The following DNAJC1 variants were observed in gnomAD, a reference collection of about 807,000 sequenced individuals.
DNAJC1 encodes DnaJ heat shock protein family (Hsp40) member C1.
Under a neutral mutation model 76.6 loss-of-function variants are expected in DNAJC1, and 58 were observed. That is an observed-to-expected ratio of 0.76 (90% CI 0.61 to 0.94). DNAJC1 has a LOEUF of 0.94. Ranked by LOEUF, DNAJC1 falls within the 40% of genes least tolerant of loss-of-function variation. The pLI is 0.00. For synonymous variants in DNAJC1, 258 were observed against 267.9 expected, an observed-to-expected ratio of 0.96 and a Z score of 0.36; for missense variants, 689 against 677.3, an observed-to-expected ratio of 1.02 and a Z score of -0.19.
chr10:21,946,215 T>C (rs886803342), intron 1 of DNAJC1, among the ~76,000 whole-genome samples: 2 of 151,944 alleles, frequency 1.3e-5, no homozygotes, highest in African/African-American at 2.4e-5. Context: ...TAAATATTTA[T>C]ATTTTTAGTA....
intron 9 of DNAJC1, among the ~76,000 whole-genome samples, chr10:21,787,790 A>G (rs544717217): frequency 6.6e-6 from 1 of 152,318 alleles, no homozygotes; most frequent in East Asian, 1.9e-4. Context: ...CACTGGGGTC[A>G]CCTGCAGTCC....
intron 1 of DNAJC1, among the ~76,000 whole-genome samples, chr10:21,962,755 CA>C (rs1442394910): frequency 1.3e-5 from 2 of 150,302 alleles, no homozygotes; most frequent in Non-Finnish European, 3.0e-5. Context: ...TTGCATTTAG[CA>C]TTGAAAATCA....
intron 1 of DNAJC1, among the ~76,000 whole-genome samples, chr10:21,978,717 T>C (rs1247592089): frequency 2.6e-5 from 4 of 152,126 alleles, no homozygotes; most frequent in Admixed American, 2.6e-4. Context: ...ACTGGAAACA[T>C]ACACAAACTT....
At chr10:21,924,776 G>A (rs1338286945) in intron 3 of DNAJC1, among the ~76,000 whole-genome samples, 1 of 152,106 alleles carries the variant, frequency 6.6e-6, no homozygotes, top group Admixed American at 6.5e-5. Context: ...TGAACATCAT[G>A]GTGTACTTAC....
At chr10:21,978,235 C>T (rs1048379308) in intron 1 of DNAJC1, among the ~76,000 whole-genome samples, 1 of 152,136 alleles carries the variant, frequency 6.6e-6, no homozygotes, top group African/African-American at 2.4e-5. Context: ...CCCAGAAGCA[C>T]ATCTCCATCA....
chr10:21,924,792 C>T (rs2131775330), intron 3 of DNAJC1, among the ~76,000 whole-genome samples: 1 of 152,284 alleles, frequency 6.6e-6, no homozygotes, highest in Middle Eastern at 3.4e-3. Flanking sequence ...CTTACACAAA[C>T]CTATGTTGTA....
rs1032512466 is a variant in DNAJC1 at position 21,806,508 on chromosome 10, CT to C, written c.979-410del. On this transcript the variant is annotated intron_variant, in intron 8 of 11. Transcript: ENST00000376980. The stretch of plus-strand genomic sequence containing the variant: ...TAAAGTTACTATTAAAGGGCTCTCT[CT>C]TTTTTTTTTTAAACACACACTTTAA... Among the ~76,000 whole-genome samples the C allele has an allele frequency of 6.2e-4, 90 of 145,678 alleles. 1 individual carries two copies. The highest frequency in any genetic ancestry group is 4.0e-3 in the South Asian group (18 of 4,526).
chr10:21,884,879 C>T (rs1337023882), intron 7 of DNAJC1, among the ~76,000 whole-genome samples: 1 of 152,038 alleles, frequency 6.6e-6, no homozygotes, highest in Non-Finnish European at 1.5e-5. Context: ...TAAAGGGGCA[C>T]TAAATACAGA....
chr10:21,998,726 T>C (rs1408770560), intron 1 of DNAJC1, among the ~76,000 whole-genome samples: 1 of 152,130 alleles, frequency 6.6e-6, no homozygotes, highest in African/African-American at 2.4e-5. Flanking sequence ...GGACGTGAAA[T>C]CTAAGGATAC....
intron 8 of DNAJC1, among the ~76,000 whole-genome samples, chr10:21,854,992 G>C (rs1481402100): frequency 6.6e-6 from 1 of 152,138 alleles, no homozygotes; most frequent in African/African-American, 2.4e-5. Flanking sequence ...ATTAGTAAGT[G>C]AATGAGACAT....
chr10:21,929,062 T>C lies in DNAJC1; in HGVS notation c.302A>G (p.Asn101Ser). 6.2e-7 allele frequency: 1 copy of C among 1,610,584 alleles called. No homozygotes were observed. Among genetic ancestry groups the C allele is most frequent in the Non-Finnish European group, 8.5e-7 (1 of 1,178,668 alleles). ...TACTTGTCTAAACTGAGTTTCTGCA[T>C]TTTCATCTTTATTCTTGTCTGGATG... The part of the protein sequence containing the change: ...TLHPDKNKDE[N>S]AETQFRQLVA... The change falls in exon 2 of 12, where the codon AAT becomes AGT. Residue 101 changes from asparagine to serine, a missense_variant. By Grantham distance (46) the Asn-to-Ser change is conservative (BLOSUM62 1). Transcript: ENST00000376980.
intron 9 of DNAJC1, among the ~76,000 whole-genome samples, chr10:21,777,743 A>G (rs999655726): frequency 2.6e-5 from 4 of 152,262 alleles, no homozygotes; most frequent in African/African-American, 9.6e-5. Context: ...CTGGACTGAC[A>G]TTAACTAGTT....
chr10:21,995,942 T>C (rs1001391894), intron 1 of DNAJC1, among the ~76,000 whole-genome samples: 2 of 152,228 alleles, frequency 1.3e-5, no homozygotes, highest in African/African-American at 4.8e-5. Flanking sequence ...AATACTCAAA[T>C]ATCAACTATT....
At chr10:21,978,635 A>C (rs1838102988) in intron 1 of DNAJC1, among the ~76,000 whole-genome samples, 1 of 152,156 alleles carries the variant, frequency 6.6e-6, no homozygotes, top group African/African-American at 2.4e-5. Context: ...AGATTCCACA[A>C]AACCTGGCAG....
chr10:21,901,465 A>G (rs1836651844), intron 7 of DNAJC1, among the ~76,000 whole-genome samples: 1 of 152,248 alleles, frequency 6.6e-6, no homozygotes, highest in African/African-American at 2.4e-5. Context: ...AATATTTATA[A>G]GTATTCAACT....
chr10:21,827,479 G>A (rs1190334375), intron 8 of DNAJC1, among the ~76,000 whole-genome samples: 1 of 152,180 alleles, frequency 6.6e-6, no homozygotes, highest in Non-Finnish European at 1.5e-5. Flanking sequence ...CAGGAGGTTA[G>A]AAGTCAGAAA....
rs1836297171 is a variant in DNAJC1, at chr10:21,882,369, C to G, written c.891G>C (p.Gln297His). Reference sequence around the variant, plus strand: ...CTATGGAAGTTCCATGATCATAAGACTGAATATATGTAGTTTCTAAAGGTG... The same window carrying G: ...CTATGGAAGTTCCATGATCATAAGAGTGAATATATGTAGTTTCTAAAGGTG... Reference protein sequence around the residue: ...VYTPLETTYIQSYDHGTSIEE... With the variant: ...VYTPLETTYIHSYDHGTSIEE... Residue 297 changes from glutamine to histidine, a missense_variant, in exon 8 of 12, where the codon CAG becomes CAC. Coordinates refer to ENST00000376980, the MANE Select transcript of DNAJC1 (RefSeq NM_022365.4). 1.9e-6 allele frequency: 3 copies of G among 1,598,630 alleles called. No individual in the cohort carries two copies. The highest frequency in any genetic ancestry group is 2.6e-6 in the Non-Finnish European group (3 of 1,174,512).
chr10:21,955,499 T>G (rs1340857217), intron 1 of DNAJC1, among the ~76,000 whole-genome samples: 2 of 152,110 alleles, frequency 1.3e-5, no homozygotes, highest in African/African-American at 2.4e-5. Flanking sequence ...CTTTACATAT[T>G]TCTGTATTAT....
In DNAJC1 at chr10:21,759,185, G is replaced by T. The variant is rs953397416; in HGVS notation, c.1581C>A (p.Val527=). 2 of 1,613,824 alleles carry T rather than the reference G, an allele frequency of 1.2e-6. No homozygotes were observed. Among genetic ancestry groups the T allele is most frequent in the East Asian group, 2.2e-5 (1 of 44,874 alleles). Residue 527 remains valine, a synonymous_variant, in exon 11 of 12, where the codon GTC becomes GTA. Coordinates refer to ENST00000376980, the MANE Select transcript of DNAJC1 (RefSeq NM_022365.4). Reference sequence around the variant, plus strand: ...CATCACTCACCTTGCTCTTGGACGGGACACATCTGGCTATTTTGTCCCAGC... The same window carrying T: ...CATCACTCACCTTGCTCTTGGACGGTACACATCTGGCTATTTTGTCCCAGC... ...SDRWDKIARC[V]PSKSKEDCIA... is the part of the protein sequence containing the mutation.
Sources: allele counts gnomAD v4.1 joint callset (sites outside exome capture counted in the v4.1 genomes callset), GRCh38; gene constraint gnomAD v4.1.1; transcripts MANE v1.5; gene names NCBI Gene and HGNC (gene_info 2026-07-23, HGNC 2026-07-21).